The following TAFA1 variants were observed in gnomAD, a reference collection of about 807,000 sequenced individuals.
TAFA1 encodes chemokine-like protein TAFA-1.
TAFA1 carries 4 observed loss-of-function variants against 18.5 expected under a neutral mutation model. The observed-to-expected ratio is 0.22, with a 90% CI of 0.11 to 0.49. The LOEUF (loss-of-function observed/expected upper bound fraction) is 0.49, where lower values mean the gene tolerates loss of function less well. Ranked by LOEUF, TAFA1 falls within the 20% of genes least tolerant of loss-of-function variation. The pLI, the probability that TAFA1 is intolerant of heterozygous loss-of-function variation, is 0.98. For missense variants in TAFA1, 147 were observed against 169.0 expected, an observed-to-expected ratio of 0.87 and a Z score of 0.72; for synonymous variants, 56 against 55.2, an observed-to-expected ratio of 1.01 and a Z score of -0.06.
At chr3:68,220,949 C>G (rs976064773) in intron 2 of TAFA1, among the ~76,000 whole-genome samples, 5 of 152,126 alleles carry the variant, frequency 3.3e-5, no homozygotes, top group African/African-American at 1.2e-4. Flanking sequence ...CCATCAAGAC[C>G]TGGCTGAACT....
chr3:68,346,852 T>A (rs1055589914), intron 2 of TAFA1, among the ~76,000 whole-genome samples: 1 of 152,184 alleles, frequency 6.6e-6, no homozygotes, highest in South Asian at 2.1e-4. Flanking sequence ...AATGTTTTAG[T>A]ATGCTGGGGT....
intron 2 of TAFA1, among the ~76,000 whole-genome samples, chr3:68,310,869 T>G (rs1394454802): frequency 1.3e-5 from 2 of 152,204 alleles, no homozygotes; most frequent in African/African-American, 2.4e-5. Flanking sequence ...TTTTTTTTAG[T>G]GCTGTCAAGT....
At chr3:68,235,153 CA>C (rs1340676613) in intron 2 of TAFA1, among the ~76,000 whole-genome samples, 1 of 152,166 alleles carries the variant, frequency 6.6e-6, no homozygotes, top group Non-Finnish European at 1.5e-5. Flanking sequence ...TATTTCCTCA[CA>C]TATGGCAACT....
At chr3:68,183,040 A>G (rs1171865437) in intron 2 of TAFA1, among the ~76,000 whole-genome samples, 1 of 152,182 alleles carries the variant, frequency 6.6e-6, no homozygotes, top group Non-Finnish European at 1.5e-5. Flanking sequence ...CTATCAGAAA[A>G]TTCTTGCACT....
intron 2 of TAFA1, among the ~76,000 whole-genome samples, chr3:68,216,288 A>G (rs1385800403): frequency 1.3e-5 from 2 of 152,054 alleles, no homozygotes; most frequent in East Asian, 1.9e-4. Flanking sequence ...ATGCACATAC[A>G]ATGGACCTTA....
At chr3:68,280,455 G>T (rs1167975972) in intron 2 of TAFA1, among the ~76,000 whole-genome samples, 1 of 152,070 alleles carries the variant, frequency 6.6e-6, no homozygotes, top group African/African-American at 2.4e-5. Flanking sequence ...AGTGCAGTCT[G>T]GTAAGTGAAT....
intron 2 of TAFA1, among the ~76,000 whole-genome samples, chr3:68,228,935 G>A (rs1396668340): frequency 2.0e-5 from 3 of 152,182 alleles, no homozygotes; most frequent in African/African-American, 7.2e-5. Context: ...AGGGACACTG[G>A]GGGAGGGATT....
At chr3:68,151,199 C>G (rs1462070375) in intron 2 of TAFA1, among the ~76,000 whole-genome samples, 1 of 152,150 alleles carries the variant, frequency 6.6e-6, no homozygotes, top group Non-Finnish European at 1.5e-5. Context: ...GTTACACAAG[C>G]TGCAACATAT....
intron 2 of TAFA1, among the ~76,000 whole-genome samples, chr3:68,249,257 C>G (rs765973309): frequency 4.6e-5 from 7 of 152,120 alleles, no homozygotes; most frequent in Non-Finnish European, 1.0e-4. Context: ...TCCCCTAGTC[C>G]CTGACTCTGC....
At chr3:68,484,581 A>G (rs925931873) in intron 3 of TAFA1, among the ~76,000 whole-genome samples, 4 of 152,206 alleles carry the variant, frequency 2.6e-5, no homozygotes, top group African/African-American at 9.7e-5. Flanking sequence ...AAAGCCTAGG[A>G]GAGAAAGAAG....
At chr3:68,255,093 C>T (rs1342867278) in intron 2 of TAFA1, among the ~76,000 whole-genome samples, 1 of 152,064 alleles carries the variant, frequency 6.6e-6, no homozygotes, top group African/African-American at 2.4e-5. Flanking sequence ...GGAAGCAATA[C>T]ATCAAATAAG....
rs1002181118 is a variant in TAFA1 at position 68,287,910 on chromosome 3, G to A, written c.119-129370G>A. On this transcript the variant is annotated intron_variant, in intron 2 of 4. Transcript: ENST00000478136. ...GGATTTTGCTTTTTGTTTTTGTTGG[G>A]GGGTGGGGGGGCTTTTTGAAAATTT... 3.3e-5 allele frequency among the ~76,000 whole-genome samples: 4 copies of A among 119,540 alleles called. No homozygotes were observed. The East Asian group carries it at 1.5e-3, about 44-fold the overall frequency. 78.4% of individuals were successfully genotyped at this position (119,540 alleles called of 152,430 possible).
chr3:68,461,381 G>T (rs1553824), intron 3 of TAFA1, among the ~76,000 whole-genome samples: 1 of 122,548 alleles, frequency 8.2e-6, no homozygotes, highest in African/African-American at 3.6e-5. Context: ...ATATATATAT[G>T]TATGTATGTA....
At chr3:68,208,390 T>G (rs2066552539) in intron 2 of TAFA1, among the ~76,000 whole-genome samples, 1 of 151,984 alleles carries the variant, frequency 6.6e-6, no homozygotes, top group Non-Finnish European at 1.5e-5. Flanking sequence ...CTTTTCCTTT[T>G]GGCCCCAAGA....
chr3:68,216,156 G>C (rs2066654697), intron 2 of TAFA1, among the ~76,000 whole-genome samples: 1 of 152,014 alleles, frequency 6.6e-6, no homozygotes, highest in Non-Finnish European at 1.5e-5. Flanking sequence ...AGAAGTTCAG[G>C]AGGAGGCAAG....
intron 2 of TAFA1, among the ~76,000 whole-genome samples, chr3:68,352,659 A>G (rs2106777689): frequency 6.6e-6 from 1 of 152,180 alleles, no homozygotes; most frequent in South Asian, 2.1e-4. Flanking sequence ...TTTATGTCAG[A>G]GAGACCTATT....
At chr3:68,504,975 G>C (rs1208464030) in intron 3 of TAFA1, among the ~76,000 whole-genome samples, 5 of 152,110 alleles carry the variant, frequency 3.3e-5, no homozygotes, top group African/African-American at 1.2e-4. Context: ...CATGCAGAAT[G>C]GTAAGAACAG....
rs567396429 is a variant in TAFA1 at position 68,467,295 on chromosome 3, A to T, written c.259+49875A>T. ...AAGAAGATGATAGGATTAAGAGATTAAAGTAAAGACAGGCATAGGAAATTA... is the reference window on the plus strand; with the variant it reads ...AAGAAGATGATAGGATTAAGAGATTTAAGTAAAGACAGGCATAGGAAATTA... On this transcript the variant is annotated intron_variant, in intron 3 of 4. Coordinates refer to ENST00000478136, the MANE Select transcript of TAFA1 (RefSeq NM_213609.4). Among the ~76,000 whole-genome samples the T allele has an allele frequency of 2.0e-5, 3 of 152,318 alleles. No individual in the cohort carries two copies. The South Asian group carries it at 6.2e-4, about 32-fold the overall frequency.
chr3:68,412,570 C>A (rs1013693178), intron 2 of TAFA1, among the ~76,000 whole-genome samples: 1 of 152,088 alleles, frequency 6.6e-6, no homozygotes, highest in South Asian at 2.1e-4. Flanking sequence ...TGTTCCCCAC[C>A]CTGTGTCCAA....
Sources: gnomAD v4.1 joint callset for allele counts (sites outside exome capture counted in the v4.1 genomes callset) on GRCh38, gnomAD v4.1.1 for gene constraint, MANE v1.5 for transcripts, NCBI Gene and HGNC (gene_info 2026-07-23, HGNC 2026-07-21) for gene names.